Variants in ABR observed in about 807,000 individuals in gnomAD.
The protein encoded by ABR is ABR activator of RhoGEF and GTPase.
Under a neutral mutation model 107.2 loss-of-function variants are expected in ABR, and 35 were observed. The ratio of observed to expected loss-of-function variants is 0.33; its 90% CI spans 0.25 to 0.43. The LOEUF (loss-of-function observed/expected upper bound fraction) is 0.43. Among genes scored for constraint, ABR ranks in the 20% least tolerant of loss-of-function variants. The pLI is 1.00. For synonymous variants in ABR, 498 were observed against 462.0 expected, an observed-to-expected ratio of 1.08 and a Z score of -1.00; for missense variants, 815 against 1,115.2, an observed-to-expected ratio of 0.73 and a Z score of 3.83.
At chr17:1,135,867 C>T (rs1273616575) in intron 1 of ABR, among the ~76,000 whole-genome samples, 1 of 133,300 alleles carries the variant, frequency 7.5e-6, no homozygotes, top group African/African-American at 2.6e-5. Context: ...CAGAGCAAGG[C>T]TCTGTCTCAA....
chr17:1,078,639 C>CA lies in ABR; in HGVS notation c.700+690dup, dbSNP rs1297528387. 6.6e-6 allele frequency among the ~76,000 whole-genome samples: 1 copy of CA among 152,182 alleles called. No homozygotes were observed. Among genetic ancestry groups the CA allele is most frequent in the African/African-American group, 2.4e-5 (1 of 41,448 alleles). ...AAGCGGCCCTGCTCTGAGCAGCCCC[C>CA]AGGTTTCAACTCTAGGCTGGATGCC... On this transcript the variant is annotated intron_variant, in intron 6 of 22. Coordinates refer to ENST00000302538, the MANE Select transcript of ABR (RefSeq NM_021962.5). This position sits in a 1 kb window ranked among gnomAD's most constrained non-coding sequence, Gnocchi z 7.5.
At chr17:1,097,447 T>C (rs1156488101) in intron 3 of ABR, among the ~76,000 whole-genome samples, 1 of 151,756 alleles carries the variant, frequency 6.6e-6, no homozygotes, top group Non-Finnish European at 1.5e-5. Context: ...AAAAATTAGC[T>C]GGGCGTGGTG....
At chr17:1,061,930 G>A (rs1209753489) in intron 10 of ABR, among the ~76,000 whole-genome samples, 2 of 152,224 alleles carry the variant, frequency 1.3e-5, no homozygotes, top group African/African-American at 4.8e-5. Flanking sequence ...AAATTCCAGT[G>A]GGGAAGAGAG....
chr17:1,162,535 G>A (rs920093049), intron 1 of ABR, among the ~76,000 whole-genome samples: 4 of 152,194 alleles, frequency 2.6e-5, no homozygotes, highest in African/African-American at 9.7e-5. Context: ...TCACCACATG[G>A]CCTCTGCCTC....
At chr17:1,079,426 G>A in intron 5 of ABR, 36 bp from the exon 6 acceptor site, 1 of 1,580,826 alleles carries the variant, frequency 6.3e-7, no homozygotes. Context: ...GGCCTGTTCT[G>A]TCCCTCACCT....
chr17:1,226,308 C>T (rs1328029501), intron 1 of ABR, among the ~76,000 whole-genome samples: 2 of 152,188 alleles, frequency 1.3e-5, no homozygotes, highest in African/African-American at 2.4e-5. Context: ...ACTCTAATGC[C>T]TCCCTGTATG....
intron 2 of ABR, among the ~76,000 whole-genome samples, chr17:1,101,555 A>G (rs2151344588): frequency 6.6e-6 from 1 of 152,172 alleles, no homozygotes; most frequent in Non-Finnish European, 1.5e-5. Context: ...CCAAGGACCG[A>G]GTATGAATAC....
At chr17:1,079,187 TCA>T (rs1001079912) in intron 6 of ABR, 141 bp downstream of exon 6, 81 of 1,473,672 alleles carry the variant, frequency 5.5e-5, no homozygotes, top group Middle Eastern at 2.3e-4. Flanking sequence ...CAGCTCACAC[TCA>T]CACGCGCTCA....
intron 2 of ABR, among the ~76,000 whole-genome samples, chr17:1,116,977 T>A (rs1288084598): frequency 1.3e-5 from 2 of 152,132 alleles, no homozygotes; most frequent in Admixed American, 1.3e-4. Flanking sequence ...AGGCACCATC[T>A]CAGGAGTTCC....
At chr17:1,217,751 G>A (rs2043041638) in intron 1 of ABR, among the ~76,000 whole-genome samples, 1 of 152,166 alleles carries the variant, frequency 6.6e-6, no homozygotes. Flanking sequence ...CTGGAGTGCA[G>A]TGGTGCAATC....
chr17:1,012,568 C>T (rs1334762549), intron 18 of ABR, 120 bp downstream of exon 18: 9 of 771,856 alleles, frequency 1.2e-5, no homozygotes, highest in Middle Eastern at 2.2e-4. Flanking sequence ...CTGCCACCGC[C>T]GAGCGGGGGG....
At chr17:1,222,361 G>A (rs976726234) in intron 1 of ABR, among the ~76,000 whole-genome samples, 10 of 152,078 alleles carry the variant, frequency 6.6e-5, no homozygotes, top group Non-Finnish European at 7.3e-5. Flanking sequence ...GAGCCACCGC[G>A]CCCGGCCTCA....
rs1039838811 is a variant in ABR at position 1,027,302 on chromosome 17, C to T, written c.1792-14138G>A. 3.3e-5 allele frequency among the ~76,000 whole-genome samples: 5 copies of T among 152,244 alleles called. No individual in the cohort carries two copies. The highest frequency in any genetic ancestry group is 1.2e-4 in the African/African-American group (5 of 41,464). The stretch of plus-strand genomic sequence containing the variant: ...GCCGGGGAGGACCAGCGCCCTTCTA[C>T]CCTCCCTAGGTACCAAGAAGCGGCA... On this transcript the variant is annotated intron_variant, in intron 16 of 22. Coordinates refer to ENST00000302538, the MANE Select transcript of ABR (RefSeq NM_021962.5). This position sits in a 1 kb window ranked among gnomAD's most constrained non-coding sequence, Gnocchi z 4.7.
Position 1,069,978 on chromosome 17 carries a change from G to T in ABR, c.1007C>A (p.Thr336Asn). The T allele has an allele frequency of 6.2e-7, 1 of 1,611,704 alleles. No homozygotes were observed. The highest frequency in any genetic ancestry group is 8.5e-7 in the Non-Finnish European group (1 of 1,179,194). Reference sequence around the variant, plus strand: ...GGACTCACACACTCACCCTGCAGAGGTCTTCTTCAGCTTGGCACACAGTAG... The same window carrying T: ...GGACTCACACACTCACCCTGCAGAGTTCTTCTTCAGCTTGGCACACAGTAG... The part of the protein sequence containing the change: ...DVLLCAKLKK[T>N]SAGKHQQYDC... The change falls in exon 9 of 23, where the codon ACC becomes AAC. Residue 336 changes from threonine to asparagine, a missense_variant. Physicochemically the swap from Thr to Asn is moderately conservative, Grantham distance 65. Around this residue, in one of 5 missense-constraint regions of ABR, gnomAD observed 385 missense variants for 596.9 expected, o/e 0.64. Transcript: ENST00000302538.
At position 1,050,122 on chromosome 17, in the gene ABR, G is replaced by A. The variant is rs770140571; in HGVS notation, c.1719C>T (p.Cys573=). 4 of 1,614,114 alleles carry A rather than the reference G, an allele frequency of 2.5e-6. No individual in the cohort carries two copies. The highest frequency in any genetic ancestry group is 3.4e-6 in the Non-Finnish European group (4 of 1,180,020). Residue 573 remains cysteine (C), a synonymous_variant, in exon 16 of 23, where the codon TGC becomes TGT. Transcript: ENST00000302538. The surrounding 1 kb of genome is among the most constrained non-coding windows in gnomAD (Gnocchi z 4.6). ...CCTTGTTGACCTTGGTCTTGTCATA[G>A]CACTTCTCATAGCACAGGATCCTCA... ...QSLRILCYEK[C]YDKTKVNKDN...
At chr17:1,105,191 TAG>T (rs1221773137) in intron 2 of ABR, among the ~76,000 whole-genome samples, 4 of 151,856 alleles carry the variant, frequency 2.6e-5, no homozygotes, top group African/African-American at 9.7e-5. Context: ...GTGTTTTTAG[TAG>T]AGACAGGGTT....
chr17:1,158,378 G>A (rs1402047738), intron 1 of ABR, among the ~76,000 whole-genome samples: 1 of 151,770 alleles, frequency 6.6e-6, no homozygotes, highest in Non-Finnish European at 1.5e-5. Context: ...TTACAGGCGT[G>A]AACCACCGCG....
intron 1 of ABR, among the ~76,000 whole-genome samples, chr17:1,223,304 AACACACACAC>A (rs56226163): frequency 1.3e-5 from 2 of 149,158 alleles, no homozygotes; most frequent in African/African-American, 4.9e-5. Context: ...AATCAGTAAC[AACACACACAC>A]ACACACACAC....
At position 1,157,659 on chromosome 17, in the gene ABR, CA is replaced by C. The variant is rs1265435740; in HGVS notation, c.61+22007del. ...CGCTGCTGGAACACGCCCAGCGGAA[CA>C]GGGGGAAGCCAACAATCCCGGCAGA... On this transcript the variant is annotated intron_variant, in intron 1 of 22. Transcript: ENST00000302538. The surrounding 1 kb of genome is among the most constrained non-coding windows in gnomAD (Gnocchi z 4.7). Among the ~76,000 whole-genome samples, 1 of 152,228 alleles carries C rather than the reference CA, an allele frequency of 6.6e-6. No homozygotes were observed. The highest frequency in any genetic ancestry group is 2.4e-5 in the African/African-American group (1 of 41,458).
Sources: allele counts gnomAD v4.1 joint callset (sites outside exome capture counted in the v4.1 genomes callset), GRCh38; gene constraint gnomAD v4.1.1; regional missense constraint gnomAD v4.1.1; non-coding constraint Gnocchi (gnomAD v3.1); transcripts MANE v1.5; gene names NCBI Gene and HGNC (gene_info 2026-07-23, HGNC 2026-07-21).